The following TTC28 variants were observed in gnomAD, a reference collection of about 807,000 sequenced individuals.
The protein encoded by TTC28 is tetratricopeptide repeat protein 28.
A neutral mutation model predicts 198.0 loss-of-function variants in TTC28; 61 were observed. The ratio of observed to expected loss-of-function variants is 0.31; its 90% CI spans 0.25 to 0.38. The LOEUF (loss-of-function observed/expected upper bound fraction) is 0.38. Among genes scored for constraint, TTC28 ranks in the 10% least tolerant of loss-of-function variants. The pLI is 1.00. For synonymous variants in TTC28, 1,171 were observed against 1,297.8 expected (o/e 0.90, Z 2.10); for missense variants, 2,678 against 3,164.0 (o/e 0.85, Z 3.69).
intron 2 of TTC28, among the ~76,000 whole-genome samples, chr22:28,595,885 C>G (rs919221091): frequency 5.3e-5 from 8 of 152,156 alleles, no homozygotes; most frequent in Non-Finnish European, 8.8e-5. Flanking sequence ...GATGGCGCCA[C>G]TGCACTCCAG....
chr22:28,104,743 T>C (rs761323), intron 8 of TTC28, among the ~76,000 whole-genome samples: 10,411 of 152,258 alleles, frequency 0.068, 425 homozygotes, highest in South Asian at 0.091. Flanking sequence ...GGTTTACTGC[T>C]TGAGTACCCC....
intron 2 of TTC28, among the ~76,000 whole-genome samples, chr22:28,563,684 T>C (rs376684136): frequency 1.3e-5 from 2 of 152,146 alleles, no homozygotes; most frequent in East Asian, 3.9e-4. Flanking sequence ...TTGGAACCCT[T>C]GTAGATTGCT....
At chr22:28,636,812 AC>A (rs1490486831) in intron 1 of TTC28, among the ~76,000 whole-genome samples, 8 of 151,862 alleles carry the variant, frequency 5.3e-5, no homozygotes, top group Non-Finnish European at 1.2e-4. Flanking sequence ...ATTTTATCCC[AC>A]CCCATAGGTT....
At chr22:28,669,373 A>G (rs1305422975) in intron 1 of TTC28, among the ~76,000 whole-genome samples, 1 of 152,154 alleles carries the variant, frequency 6.6e-6, no homozygotes, top group African/African-American at 2.4e-5. Context: ...CTGAATCCCA[A>G]AATTATATTG....
intron 5 of TTC28, among the ~76,000 whole-genome samples, chr22:28,292,766 T>G (rs529385715): frequency 6.6e-6 from 1 of 152,312 alleles, no homozygotes; most frequent in Non-Finnish European, 1.5e-5. Flanking sequence ...ACAGCATTCA[T>G]CATTTATTGC....
chr22:28,027,992 C>G (rs1433205893), intron 13 of TTC28, among the ~76,000 whole-genome samples: 1 of 152,274 alleles, frequency 6.6e-6, no homozygotes, highest in Admixed American at 6.5e-5. Flanking sequence ...TAGCTCCACT[C>G]TCTTGTGGAT....
intron 6 of TTC28, among the ~76,000 whole-genome samples, chr22:28,127,859 C>G (rs1205513214): frequency 6.7e-6 from 1 of 150,288 alleles, no homozygotes; most frequent in Non-Finnish European, 1.5e-5. Flanking sequence ...CTCCAAGTAG[C>G]TGGGACTACA....
chr22:28,451,576 AT>A (rs556338832), intron 2 of TTC28, among the ~76,000 whole-genome samples: 75 of 152,300 alleles, frequency 4.9e-4, no homozygotes, highest in Non-Finnish European at 8.2e-4. Context: ...ATTCAACATC[AT>A]TTTTATAATG....
At chr22:28,454,371 T>C (rs926671498) in intron 2 of TTC28, among the ~76,000 whole-genome samples, 3 of 152,224 alleles carry the variant, frequency 2.0e-5, no homozygotes, top group East Asian at 1.9e-4. Flanking sequence ...GTTGGTTATA[T>C]GATAAAACTA....
intron 2 of TTC28, among the ~76,000 whole-genome samples, chr22:28,489,016 G>T (rs1055001027): frequency 2.6e-5 from 4 of 152,130 alleles, no homozygotes; most frequent in African/African-American, 9.7e-5. Flanking sequence ...AGGCATAGTA[G>T]CTCATGCCTG....
chr22:28,121,961 A>T (rs550881501), intron 6 of TTC28, among the ~76,000 whole-genome samples: 5 of 152,140 alleles, frequency 3.3e-5, no homozygotes, highest in South Asian at 2.1e-4. Flanking sequence ...TCCGCCTCCC[A>T]GGTTCAAGCG....
chr22:28,031,921 A>G (rs1939096162), intron 12 of TTC28, among the ~76,000 whole-genome samples: 1 of 151,826 alleles, frequency 6.6e-6, no homozygotes, highest in African/African-American at 2.4e-5. Flanking sequence ...AAGTAGAGAA[A>G]GAGAAAATTT....
At chr22:28,610,322 C>T (rs2050799605) in intron 2 of TTC28, among the ~76,000 whole-genome samples, 1 of 152,184 alleles carries the variant, frequency 6.6e-6, no homozygotes, top group South Asian at 2.1e-4. Flanking sequence ...GGCCAACAGA[C>T]ACCTCATACA....
At chr22:28,407,161 A>T (rs1282286891) in intron 2 of TTC28, among the ~76,000 whole-genome samples, 1 of 152,264 alleles carries the variant, frequency 6.6e-6, no homozygotes, top group Non-Finnish European at 1.5e-5. Flanking sequence ...GGGACACAAT[A>T]GTGGACATTT....
chr22:28,133,719 G>C (rs1425165727), intron 6 of TTC28, among the ~76,000 whole-genome samples: 4 of 152,242 alleles, frequency 2.6e-5, no homozygotes, highest in Admixed American at 6.5e-5. Flanking sequence ...TGGGAAGCTT[G>C]AACTGGGTGG....
intron 12 of TTC28, among the ~76,000 whole-genome samples, chr22:28,081,493 ATTTT>A (rs35534789): frequency 1.6e-5 from 2 of 125,528 alleles, no homozygotes; most frequent in Admixed American, 8.1e-5. Context: ...TGCCACCAGG[ATTTT>A]TTTTTTTTTT....
At chr22:28,075,942 T>G (rs977122562) in intron 12 of TTC28, among the ~76,000 whole-genome samples, 11 of 152,220 alleles carry the variant, frequency 7.2e-5, no homozygotes, top group African/African-American at 2.4e-4. Flanking sequence ...AGGCCAAGAA[T>G]TCCAGCTATT....
intron 2 of TTC28, among the ~76,000 whole-genome samples, chr22:28,395,116 G>A (rs572377195): frequency 3.3e-5 from 5 of 152,266 alleles, no homozygotes; most frequent in Admixed American, 2.0e-4. Flanking sequence ...ACATTGTACT[G>A]TATGTCTAAC....
At chr22:28,251,938 T>C (rs1332007463) in intron 5 of TTC28, among the ~76,000 whole-genome samples, 3 of 152,212 alleles carry the variant, frequency 2.0e-5, no homozygotes, top group Non-Finnish European at 2.9e-5. Context: ...GTCAACTAGC[T>C]ACAAGACATT....
Sources: allele counts gnomAD v4.1 joint callset (sites outside exome capture counted in the v4.1 genomes callset), GRCh38; gene constraint gnomAD v4.1.1; transcripts MANE v1.5; gene names NCBI Gene and HGNC (gene_info 2026-07-23, HGNC 2026-07-21).